Variants in SNTG1 observed in about 807,000 individuals in gnomAD.
SNTG1 encodes the protein gamma-1-syntrophin.
In SNTG1, 39 loss-of-function variants were observed where a neutral mutation model predicts 74.7. The observed-to-expected ratio is 0.52, with a 90% CI of 0.40 to 0.68. The LOEUF (loss-of-function observed/expected upper bound fraction) is 0.68. SNTG1 is among the 30% of genes least tolerant of loss of function. SNTG1 has a pLI of 0.00. For missense variants in SNTG1, 685 were observed against 609.5 expected (o/e 1.12, Z -1.30); for synonymous variants, 254 against 217.1 (o/e 1.17, Z -1.49).
chr8:50,583,783 T>C (rs1486508928), intron 12 of SNTG1, among the ~76,000 whole-genome samples: 1 of 152,102 alleles, frequency 6.6e-6, no homozygotes, highest in African/African-American at 2.4e-5. Flanking sequence ...CTTTTTTTTT[T>C]TAATTATGCT....
chr8:50,476,897 C>T (rs1385882391), intron 8 of SNTG1, among the ~76,000 whole-genome samples: 1 of 137,510 alleles, frequency 7.3e-6, no homozygotes, highest in Non-Finnish European at 1.6e-5. Context: ...GAGGGATAAA[C>T]ATACACACAC....
intron 2 of SNTG1, among the ~76,000 whole-genome samples, chr8:50,366,968 A>G (rs1005706065): frequency 6.7e-6 from 1 of 149,818 alleles, no homozygotes; most frequent in Non-Finnish European, 1.5e-5. Context: ...CGCAAATAGT[A>G]AGGAGTAGTA....
intron 12 of SNTG1, among the ~76,000 whole-genome samples, chr8:50,555,355 G>A (rs554234059): frequency 4.2e-4 from 64 of 152,238 alleles, no homozygotes; most frequent in African/African-American, 1.4e-3. Flanking sequence ...GATATGGAAA[G>A]TACTACATAA....
intron 2 of SNTG1, among the ~76,000 whole-genome samples, chr8:50,322,052 G>T (rs1181805122): frequency 6.6e-6 from 1 of 151,906 alleles, no homozygotes; most frequent in Non-Finnish European, 1.5e-5. Context: ...AGATTCAGAT[G>T]ATTTTTTATT....
At chr8:50,243,480 C>G (rs2086254792) in intron 2 of SNTG1, among the ~76,000 whole-genome samples, 1 of 152,086 alleles carries the variant, frequency 6.6e-6, no homozygotes, top group Non-Finnish European at 1.5e-5. Context: ...TAAAAACTCT[C>G]CGGATTTGAA....
At chr8:50,046,725 G>A (rs1055323771) in intron 1 of SNTG1, among the ~76,000 whole-genome samples, 1 of 152,162 alleles carries the variant, frequency 6.6e-6, no homozygotes, top group African/African-American at 2.4e-5. Context: ...TTAAACAAAA[G>A]AAGTGATTTT....
At chr8:50,593,306 A>T (rs1312188670) in intron 13 of SNTG1, among the ~76,000 whole-genome samples, 3 of 152,196 alleles carry the variant, frequency 2.0e-5, no homozygotes, top group African/African-American at 7.2e-5. Context: ...ACACTCCAGA[A>T]TGCATAAGGC....
intron 1 of SNTG1, among the ~76,000 whole-genome samples, chr8:49,938,557 GTTTTCTTTTC>G (rs1417018491): frequency 7.9e-6 from 1 of 127,228 alleles, no homozygotes; most frequent in Non-Finnish European, 1.7e-5. Context: ...CTTTTCTTTT[GTTTTCTTTTC>G]TTTTCTTTTC....
intron 2 of SNTG1, among the ~76,000 whole-genome samples, chr8:50,201,254 T>C (rs2083976184): frequency 6.6e-6 from 1 of 152,214 alleles, no homozygotes; most frequent in South Asian, 2.1e-4. Flanking sequence ...TATTTTGCTA[T>C]AATAATGTGG....
intron 1 of SNTG1, among the ~76,000 whole-genome samples, chr8:50,046,531 T>A (rs1586037692): frequency 1.3e-5 from 2 of 152,206 alleles, no homozygotes; most frequent in Admixed American, 1.3e-4. Flanking sequence ...TACTCTTTTT[T>A]AAATATTCTG....
At position 50,795,562 on chromosome 8, in the gene SNTG1, TG is replaced by T. The variant is rs1168210838; in HGVS notation, c.*2736del. The T allele has an allele frequency of 6.6e-6, 1 of 152,018 alleles. No individual in the cohort carries two copies. 9.4% of individuals were successfully genotyped at this position (152,018 alleles called of 1,614,324 possible). On this transcript the variant is annotated 3_prime_UTR_variant, in exon 19 of 19. Transcript: ENST00000642720. ...GTATGTGTGAGCGTGTATGTGTGTTTGGGTGTGTGTCTGTGTATGTGTGTGA... is the reference window on the plus strand; with the variant it reads ...GTATGTGTGAGCGTGTATGTGTGTTTGGTGTGTGTCTGTGTATGTGTGTGA...
chr8:50,357,344 G>T (rs1426937168), intron 2 of SNTG1, among the ~76,000 whole-genome samples: 3 of 152,192 alleles, frequency 2.0e-5, no homozygotes, highest in Non-Finnish European at 4.4e-5. Context: ...AAGTCCAACT[G>T]GATGGAAACA....
chr8:50,261,673 C>A (rs1341625452), intron 2 of SNTG1, among the ~76,000 whole-genome samples: 1 of 152,046 alleles, frequency 6.6e-6, no homozygotes, highest in Non-Finnish European at 1.5e-5. Flanking sequence ...GGTACTTGCA[C>A]TCTCTGAAAA....
chr8:50,594,161 A>G (rs1379910529), intron 13 of SNTG1, among the ~76,000 whole-genome samples: 1 of 152,190 alleles, frequency 6.6e-6, no homozygotes, highest in Non-Finnish European at 1.5e-5. Context: ...TGTTGTGATA[A>G]TTCTCTCAAT....
chr8:50,023,102 A>T (rs1816964950), intron 1 of SNTG1, among the ~76,000 whole-genome samples: 1 of 152,154 alleles, frequency 6.6e-6, no homozygotes, highest in African/African-American at 2.4e-5. Flanking sequence ...TTGGCAGTGG[A>T]TGGATGGTGA....
At chr8:50,474,043 G>A (rs2093675212) in intron 8 of SNTG1, among the ~76,000 whole-genome samples, 2 of 151,892 alleles carry the variant, frequency 1.3e-5, no homozygotes, top group African/African-American at 4.8e-5. Flanking sequence ...TCAGGTTTTA[G>A]AGTTGAAAAC....
At chr8:50,011,775 G>C (rs546488530) in intron 1 of SNTG1, 2 of 152,262 alleles carry the variant, frequency 1.3e-5, no homozygotes, top group Non-Finnish European at 2.9e-5. Context: ...ATTTCTCATA[G>C]TGAACACTGG....
At chr8:50,485,298 A>G (rs1293527824) in intron 8 of SNTG1, among the ~76,000 whole-genome samples, 2 of 152,248 alleles carry the variant, frequency 1.3e-5, no homozygotes, top group Non-Finnish European at 2.9e-5. Flanking sequence ...TGTCAGTATT[A>G]TTAGCACAGA....
At position 50,604,686 on chromosome 8, in the gene SNTG1, A is replaced by G. The variant is rs556932233; in HGVS notation, c.849+13769A>G. 2.0e-5 allele frequency among the ~76,000 whole-genome samples: 3 copies of G among 152,240 alleles called. 1 individual carries two copies. In the South Asian group the frequency reaches 6.2e-4, roughly 32 times the overall value. ...TACAGGACAGGTTCAGAAATGTCCA[A>G]GAGTCTAGGCCTGGATTTAGCCACC... On this transcript the variant is annotated intron_variant, in intron 13 of 18. Transcript: ENST00000642720.
Sources: gnomAD v4.1 joint callset for allele counts (sites outside exome capture counted in the v4.1 genomes callset) on GRCh38, gnomAD v4.1.1 for gene constraint, MANE v1.5 for transcripts, NCBI Gene and HGNC (gene_info 2026-07-23, HGNC 2026-07-21) for gene names.